ANHX: variants seen among roughly 807,000 people sequenced by gnomAD.
ANHX encodes anomalous homeobox protein.
Under a neutral mutation model 38.9 loss-of-function variants are expected in ANHX, and 20 were observed. The observed-to-expected ratio is 0.51, with a 90% CI of 0.36 to 0.75. The LOEUF is 0.75. Ranked by LOEUF, ANHX falls within the 30% of genes least tolerant of loss-of-function variation. The pLI is 0.00. For synonymous variants in ANHX, 185 were observed against 203.1 expected (o/e 0.91, Z 0.76); for missense variants, 475 against 493.1 (o/e 0.96, Z 0.35).
chr12:133,222,010 C>G (rs1434788002), intron 7 of ANHX, among the ~76,000 whole-genome samples: 1 of 152,088 alleles, frequency 6.6e-6, no homozygotes, highest in Non-Finnish European at 1.5e-5. Flanking sequence ...GAACAAGCGG[C>G]CTGGGGGTGA....
At chr12:133,232,843 G>A (rs1957303171) in intron 2 of ANHX, among the ~76,000 whole-genome samples, 1 of 152,178 alleles carries the variant, frequency 6.6e-6, no homozygotes, top group Non-Finnish European at 1.5e-5. Context: ...CGTGCTGTGT[G>A]TCAGCCAATC....
chr12:133,228,313 TC>T (rs1224765971), intron 3 of ANHX, among the ~76,000 whole-genome samples: 1 of 151,512 alleles, frequency 6.6e-6, no homozygotes. Flanking sequence ...CACACAGGTG[TC>T]CTCAGCCCAT....
chr12:133,226,860 G>A, intron 5 of ANHX, 76 bp downstream of exon 5: 2 of 1,346,798 alleles, frequency 1.5e-6, no homozygotes, highest in Non-Finnish European at 2.0e-6. Flanking sequence ...TGTAAGCAGT[G>A]TGACTACCTA....
rs920155975 is a variant in ANHX at position 133,227,164 on chromosome 12, C to T, written c.502-12G>A. 2 of 1,530,394 alleles carry T rather than the reference C, an allele frequency of 1.3e-6. No individual in the cohort carries two copies. The highest frequency in any genetic ancestry group is 1.4e-5 in the African/African-American group (1 of 73,010). The allele number at this position is 1,530,394 out of a possible 1,614,324, so 94.8% of individuals were successfully genotyped here. On this transcript the variant is annotated splice_polypyrimidine_tract_variant and intron_variant, in intron 4 of 9. Coordinates refer to ENST00000545940, the MANE Select transcript of ANHX (RefSeq NM_001372060.1). The stretch of plus-strand genomic sequence containing the variant: ...AATGCCAAGTTCTCCTGCCCCCAAA[C>T]AACAAGACTTCTAGCCCTGCTTCCA...
rs1957102958 is a variant in ANHX, at chr12:133,221,120, G to A, written c.1280+85C>T. On this transcript the variant is annotated intron_variant, in intron 8 of 9. Coordinates refer to ENST00000545940, the MANE Select transcript of ANHX (RefSeq NM_001372060.1). This position sits in a 1 kb window ranked among gnomAD's most constrained non-coding sequence, Gnocchi z 4.1. Reference sequence around the variant, plus strand: ...GAGAGGACCCTATCTGCACAGTCCGGGACGGTGAGTCTATAAACTGGGCAT... The same window carrying A: ...GAGAGGACCCTATCTGCACAGTCCGAGACGGTGAGTCTATAAACTGGGCAT... 2.0e-6 allele frequency: 3 copies of A among 1,477,502 alleles called. No homozygotes were observed. The highest frequency in any genetic ancestry group is 2.6e-5 in the South Asian group (2 of 77,086). 91.5% of individuals were successfully genotyped at this position (1,477,502 alleles called of 1,614,324 possible).
chr12:133,218,626 T>C lies in ANHX; in HGVS notation c.*259A>G, dbSNP rs1957066888. ...CCCCGGAGCCCGACTGATCCAGTGC[T>C]GCGTGAGTGGGACAGACCCACCTTT... On this transcript the variant is annotated 3_prime_UTR_variant, in exon 10 of 10. Coordinates refer to ENST00000545940, the MANE Select transcript of ANHX (RefSeq NM_001372060.1). 6.2e-6 allele frequency: 2 copies of C among 323,914 alleles called. No individual in the cohort carries two copies. The highest frequency in any genetic ancestry group is 1.1e-5 in the Non-Finnish European group (2 of 177,266). 20.1% of individuals were successfully genotyped at this position (323,914 alleles called of 1,614,324 possible).
intron 9 of ANHX, 110 bp from the exon 10 acceptor site, chr12:133,219,081 A>G: frequency 9.1e-7 from 1 of 1,101,488 alleles, no homozygotes; most frequent in Admixed American, 2.2e-5. Flanking sequence ...ACCAGTCTGG[A>G]CTCAGGAGGG....
At chr12:133,223,899 G>C (rs909999705) in intron 7 of ANHX, among the ~76,000 whole-genome samples, 4 of 152,010 alleles carry the variant, frequency 2.6e-5, no homozygotes, top group Non-Finnish European at 5.9e-5. Flanking sequence ...AAAATTATGA[G>C]GGGGGGAAAA....
At chr12:133,231,834 C>T (rs1957282910) in intron 2 of ANHX, among the ~76,000 whole-genome samples, 190 bp from the exon 3 acceptor site, 1 of 152,184 alleles carries the variant, frequency 6.6e-6, no homozygotes. Flanking sequence ...AGTCAGATGG[C>T]CCCCGCTCCA....
At chr12:133,219,507 G>A in intron 8 of ANHX, 140 bp from the exon 9 acceptor site, 1 of 631,166 alleles carries the variant, frequency 1.6e-6, no homozygotes, top group South Asian at 2.0e-5. Context: ...TTCCTGCAGG[G>A]CTGTCACGTA....
intron 3 of ANHX, among the ~76,000 whole-genome samples, chr12:133,230,473 A>C (rs1394803038): frequency 1.3e-5 from 2 of 152,220 alleles, no homozygotes; most frequent in South Asian, 2.1e-4. Context: ...TGGCTCAGGA[A>C]TCTTTCATGA....
rs1356818476 is a variant in ANHX, at chr12:133,231,562, C to T, written c.332G>A (p.Gly111Asp). Reference sequence around the variant, plus strand: ...CTGCACCGGGGTGAGCGCAGCCACGCCCAGCCTCCTCATGACCAGACGGTA... The same window carrying T: ...CTGCACCGGGGTGAGCGCAGCCACGTCCAGCCTCCTCATGACCAGACGGTA... ...IHYRLVMRRL[G>D]VAALTPVQKF... is the part of the protein sequence containing the mutation. The change falls in exon 3 of 10, where the codon GGC (glycine) becomes GAC (aspartate). Residue 111 changes from glycine to aspartate, a missense_variant. By Grantham distance (94) the Gly-to-Asp change is moderately conservative. Transcript: ENST00000545940. The T allele has an allele frequency of 1.3e-6, 2 of 1,536,138 alleles. No homozygotes were observed. The highest frequency in any genetic ancestry group is 4.9e-5 in the East Asian group (2 of 40,924).
At chr12:133,229,340 T>C (rs914286129) in intron 3 of ANHX, among the ~76,000 whole-genome samples, 1 of 152,162 alleles carries the variant, frequency 6.6e-6, no homozygotes, top group African/African-American at 2.4e-5. Flanking sequence ...AGAAGGTGTG[T>C]CATCCCAGTG....
chr12:133,223,549 G>C (rs2135553508), intron 7 of ANHX, among the ~76,000 whole-genome samples: 1 of 150,878 alleles, frequency 6.6e-6, no homozygotes, highest in South Asian at 2.1e-4. Context: ...GGGTTCAAGT[G>C]ATTCTCCTGC....
At chr12:133,225,984 T>C (rs542077540) in intron 6 of ANHX, among the ~76,000 whole-genome samples, 156 bp from the exon 7 acceptor site, 4 of 146,500 alleles carry the variant, frequency 2.7e-5, no homozygotes, top group Non-Finnish European at 4.7e-5. Flanking sequence ...ACAGACAAAG[T>C]ACTAGAAACA....
chr12:133,234,088 C>G lies in ANHX; in HGVS notation c.249+20G>C, dbSNP rs1343188024. ...AGTTGCTACCTCTCTCTGTACCCTA[C>G]CCCTGTAGCCCAGGCCTACCTCCAG... On this transcript the variant is annotated intron_variant, in intron 2 of 9. Coordinates refer to ENST00000545940, the MANE Select transcript of ANHX (RefSeq NM_001372060.1). The G allele has an allele frequency of 1.3e-5, 20 of 1,534,074 alleles. No homozygotes were observed. The highest frequency in any genetic ancestry group is 1.7e-5 in the Non-Finnish European group (19 of 1,146,394).
At chr12:133,226,464 G>C (rs1025439173) in intron 5 of ANHX, 26 bp from the exon 6 acceptor site, 1 of 1,519,590 alleles carries the variant, frequency 6.6e-7, no homozygotes, top group South Asian at 1.2e-5. Context: ...TGGGAGGGGA[G>C]ACTTAGTGAG....
intron 6 of ANHX, 22 bp downstream of exon 6, chr12:133,226,296 A>C (rs1405821848): frequency 5.2e-6 from 8 of 1,536,062 alleles, no homozygotes; most frequent in Non-Finnish European, 7.0e-6. Flanking sequence ...AGATGATTCC[A>C]TGGCCATGGA....
chr12:133,226,331 GC>G lies in ANHX; in HGVS notation c.825del (p.Lys275AsnfsTer44). 6.5e-7 allele frequency: 1 copy of G among 1,536,270 alleles called. No homozygotes were observed. Among genetic ancestry groups the G allele is most frequent in the Non-Finnish European group, 8.7e-7 (1 of 1,146,916 alleles). Reference protein sequence around the residue: ...PDFPADETVSKPLDVRSLPGG... With the variant: ...PDFPADETVSXPLDVRSLPGG... ...AGATGACAGTACCTGACATCCAGTG[GC>G]TTTGAGACTGTCTCATCTGCGGGAA... is the stretch of plus-strand genomic sequence containing the variant. On this transcript the variant is annotated frameshift_variant, in exon 6 of 10. Coordinates refer to ENST00000545940, the MANE Select transcript of ANHX (RefSeq NM_001372060.1). LOFTEE classifies it high-confidence loss of function.
Sources: gnomAD v4.1 joint callset for allele counts (sites outside exome capture counted in the v4.1 genomes callset) on GRCh38, gnomAD v4.1.1 for gene constraint, Gnocchi (gnomAD v3.1) non-coding constraint, MANE v1.5 for transcripts, NCBI Gene and HGNC (gene_info 2026-07-23, HGNC 2026-07-21) for gene names.